CARNMT1: variants seen among roughly 807,000 people sequenced by gnomAD.
CARNMT1 encodes the protein protein-L-histidine N-pros-methyltransferase CARNMT1.
A neutral mutation model predicts 49.6 loss-of-function variants in CARNMT1; 28 were observed. The ratio of observed to expected loss-of-function variants is 0.56; its 90% confidence interval spans 0.42 to 0.77. CARNMT1 has a LOEUF of 0.77. Ranked by LOEUF, CARNMT1 falls within the 30% of genes least tolerant of loss-of-function variation. The pLI is 0.00. For missense variants in CARNMT1, 421 were observed against 512.6 expected (o/e 0.82, Z 1.73); for synonymous variants, 178 against 175.0 (o/e 1.02, Z -0.13).
intron 6 of CARNMT1, among the ~76,000 whole-genome samples, chr9:74,986,322 T>C (rs768501709): frequency 2.0e-5 from 3 of 152,214 alleles, no homozygotes; most frequent in Non-Finnish European, 4.4e-5. Flanking sequence ...CTCTCCTTTC[T>C]GTATCCTACA....
rs1833850316 is a variant in CARNMT1, at chr9:75,016,354, G to C, written c.504C>G (p.Asp168Glu). The change falls in exon 3 of 8, where the codon GAC (aspartate) becomes GAG (glutamate). Residue 168 changes from aspartate to glutamate, a missense_variant. Asp to Glu is a conservative substitution (Grantham distance 45, BLOSUM62 2). Transcript: ENST00000376834. ...TTTCTGCTTTCCCAGTTTCACTCCA[G>C]TCTCTCACAAACTGTTTCAGCGTGG... The part of the protein sequence containing the change: ...LKSTLKQFVR[D>E]WSETGKAERD... 2 of 1,613,876 alleles carry C rather than the reference G, an allele frequency of 1.2e-6. No homozygotes were observed.
chr9:74,992,593 G>A (rs1045868076), intron 6 of CARNMT1, among the ~76,000 whole-genome samples: 1 of 152,092 alleles, frequency 6.6e-6, no homozygotes, highest in Non-Finnish European at 1.5e-5. Flanking sequence ...GCATTCTTTT[G>A]TTCTTTGCCA....
chr9:74,989,626 G>A (rs1832956278), intron 6 of CARNMT1, among the ~76,000 whole-genome samples: 2 of 152,140 alleles, frequency 1.3e-5, no homozygotes, highest in Non-Finnish European at 2.9e-5. Flanking sequence ...CTGGATCATA[G>A]GGGTGGCTCC....
At chr9:75,017,500 CCAA>C in intron 1 of CARNMT1, 52 bp from the exon 2 acceptor site, 1 of 1,467,744 alleles carries the variant, frequency 6.8e-7, no homozygotes, top group Non-Finnish European at 9.5e-7. Flanking sequence ...TCACCAGAGG[CCAA>C]TCTTACTTTA....
intron 3 of CARNMT1, among the ~76,000 whole-genome samples, chr9:75,012,289 T>C (rs995004053): frequency 1.7e-4 from 26 of 148,822 alleles, no homozygotes; most frequent in Non-Finnish European, 3.4e-4. Context: ...TTTTGGTTTT[T>C]TTTTTTTTTT....
chr9:75,014,819 C>A (rs1486680221), intron 3 of CARNMT1, among the ~76,000 whole-genome samples: 3 of 151,314 alleles, frequency 2.0e-5, no homozygotes, highest in Non-Finnish European at 4.4e-5. Context: ...CCAGCCTGGG[C>A]AACAGAGTGA....
At chr9:75,022,059 G>A (rs1381790516) in intron 1 of CARNMT1, among the ~76,000 whole-genome samples, 2 of 151,866 alleles carry the variant, frequency 1.3e-5, no homozygotes, top group African/African-American at 2.4e-5. Flanking sequence ...TCCATCTTAG[G>A]TAACCATCAG....
At chr9:75,016,452 A>C (rs1833855550) in intron 2 of CARNMT1, 21 bp from the exon 3 acceptor site, 1 of 1,611,772 alleles carries the variant, frequency 6.2e-7, no homozygotes, top group African/African-American at 1.3e-5. Flanking sequence ...AACAGACATC[A>C]ATTAGCTTCT....
At chr9:75,017,642 C>T (rs901721213) in intron 1 of CARNMT1, among the ~76,000 whole-genome samples, 194 bp from the exon 2 acceptor site, 1 of 152,140 alleles carries the variant, frequency 6.6e-6, no homozygotes, top group East Asian at 1.9e-4. Context: ...AAGTCCTTCT[C>T]TAAGCAACCA....
chr9:75,010,639 G>T (rs914115737), intron 3 of CARNMT1, among the ~76,000 whole-genome samples: 1 of 152,144 alleles, frequency 6.6e-6, no homozygotes, highest in African/African-American at 2.4e-5. Context: ...TAGAGGAAAT[G>T]ATAGAGAAAT....
chr9:75,003,191 C>A (rs1045851630), intron 3 of CARNMT1, among the ~76,000 whole-genome samples: 2 of 152,148 alleles, frequency 1.3e-5, no homozygotes, highest in Admixed American at 6.5e-5. Context: ...GAGCTCTTAC[C>A]CACAGAAACT....
At chr9:75,021,777 A>G (rs770480972) in intron 1 of CARNMT1, among the ~76,000 whole-genome samples, 2 of 152,012 alleles carry the variant, frequency 1.3e-5, no homozygotes, top group African/African-American at 2.4e-5. Flanking sequence ...ACAAAAAAAT[A>G]AAAAAACAAA....
rs545706882 is a variant in CARNMT1 at position 75,024,874 on chromosome 9, C to T, written c.230+3138G>A. On this transcript the variant is annotated intron_variant, in intron 1 of 7. Transcript: ENST00000376834. ...CACCAAAAACTTAACTACTAATAGC[C>T]TACTACTGACCGAAAGCCGTACCAA... 3.3e-5 allele frequency among the ~76,000 whole-genome samples: 5 copies of T among 152,276 alleles called. No individual in the cohort carries two copies. In the South Asian group the frequency reaches 1.0e-3, roughly 32 times the overall value.
intron 5 of CARNMT1, among the ~76,000 whole-genome samples, chr9:74,997,563 A>T (rs1833223436): frequency 6.6e-6 from 1 of 152,002 alleles, no homozygotes; most frequent in Non-Finnish European, 1.5e-5. Context: ...TGAGCAGAGC[A>T]AGCACTCACT....
intron 1 of CARNMT1, among the ~76,000 whole-genome samples, chr9:75,026,061 C>T (rs1349137333): frequency 1.3e-5 from 2 of 152,136 alleles, no homozygotes; most frequent in East Asian, 1.9e-4. Flanking sequence ...CTTTAAGTGA[C>T]ATTTTAAAAA....
rs1822563533 is a variant in CARNMT1, at chr9:75,027,434, C to T, written c.230+578G>A. 6 of 985,432 alleles carry T rather than the reference C, an allele frequency of 6.1e-6. No individual in the cohort carries two copies. In the South Asian group the frequency reaches 1.9e-4, roughly 31 times the overall value. 61.0% of individuals were successfully genotyped at this position (985,432 alleles called of 1,614,324 possible). On this transcript the variant is annotated intron_variant, in intron 1 of 7. Coordinates refer to ENST00000376834, the MANE Select transcript of CARNMT1 (RefSeq NM_152420.3). The stretch of plus-strand genomic sequence containing the variant: ...GACCACTTCCGCCCTTAATCACCCA[C>T]CAGTTAAAGACACTGAGCAGCATCA...
intron 5 of CARNMT1, among the ~76,000 whole-genome samples, chr9:74,997,345 A>G (rs890428624): frequency 1.3e-5 from 2 of 152,184 alleles, no homozygotes; most frequent in Non-Finnish European, 2.9e-5. Flanking sequence ...AAAATAAACA[A>G]AAACTTTCTA....
At position 74,998,676 on chromosome 9, in the gene CARNMT1, C is replaced by T; in HGVS notation, c.832G>A (p.Val278Ile). 2 of 1,609,028 alleles carry T rather than the reference C, an allele frequency of 1.2e-6. No homozygotes were observed. Among genetic ancestry groups the T allele is most frequent in the Non-Finnish European group, 1.7e-6 (2 of 1,177,364 alleles). Residue 278 changes from valine to isoleucine, a missense_variant, in exon 5 of 8, where the codon GTT (valine) becomes ATT (isoleucine). Coordinates refer to ENST00000376834, the MANE Select transcript of CARNMT1 (RefSeq NM_152420.3). ...DQIRPIFFPD[V>I]DPHSLPPGSN... ...CCAGGAGGAAGACTGTGGGGGTCAA[C>T]ATCAGGGAAAAAGATGGGTCGAATC... is the stretch of plus-strand genomic sequence containing the variant.
At chr9:75,022,573 C>T (rs1822402420) in intron 1 of CARNMT1, among the ~76,000 whole-genome samples, 1 of 152,126 alleles carries the variant, frequency 6.6e-6, no homozygotes, top group South Asian at 2.1e-4. Context: ...TGCAAAAAGA[C>T]TCCATAAATT....
Sources: gnomAD v4.1 joint callset for allele counts (sites outside exome capture counted in the v4.1 genomes callset) on GRCh38, gnomAD v4.1.1 for gene constraint, MANE v1.5 for transcripts, NCBI Gene and HGNC (gene_info 2026-07-23, HGNC 2026-07-21) for gene names.